Variants in KCNN1 observed in about 807,000 individuals in gnomAD.
The protein encoded by KCNN1 is potassium calcium-activated channel subfamily N member 1.
KCNN1 carries 20 observed loss-of-function variants against 44.7 expected under a neutral mutation model. The observed-to-expected ratio is 0.45, with a 90% CI of 0.32 to 0.65. The LOEUF is 0.65. Ranked by LOEUF, KCNN1 falls within the 30% of genes least tolerant of loss-of-function variation. The probability of loss-of-function intolerance (pLI) is 0.05; values close to 1 mark genes in which losing one functional copy is unlikely to be tolerated. For missense variants in KCNN1, 632 were observed against 785.3 expected (o/e 0.80, Z 2.33); for synonymous variants, 324 against 341.7 (o/e 0.95, Z 0.57).
intron 2 of KCNN1, among the ~76,000 whole-genome samples, chr19:17,958,524 C>T (rs924736634): frequency 6.0e-4 from 80 of 133,762 alleles, no homozygotes; most frequent in African/African-American, 2.2e-3. Context: ...CTCACTCTGT[C>T]ATCCAGGCTA....
chr19:17,959,904 G>A (rs1350080542), intron 2 of KCNN1, among the ~76,000 whole-genome samples: 1 of 151,708 alleles, frequency 6.6e-6, no homozygotes, highest in African/African-American at 2.4e-5. Context: ...CCATCATGGT[G>A]AAACCCCGTC....
At chr19:17,990,815 G>GA (rs1409422339) in intron 7 of KCNN1, among the ~76,000 whole-genome samples, 9 of 144,280 alleles carry the variant, frequency 6.2e-5, no homozygotes, top group African/African-American at 1.0e-4. Context: ...AAAAAAAAAA[G>GA]AAAGAAAAAG....
intron 3 of KCNN1, among the ~76,000 whole-genome samples, chr19:17,980,449 A>C (rs1416870884): frequency 6.6e-6 from 1 of 151,622 alleles, no homozygotes; most frequent in East Asian, 1.9e-4. Context: ...TTGCTTAAAC[A>C]CTTGTTTTAG....
At chr19:17,963,997 G>T (rs918418274), upstream of KCNN1, among the ~76,000 whole-genome samples, 1 of 152,120 alleles carries the variant, frequency 6.6e-6, no homozygotes, top group Non-Finnish European at 1.5e-5. Flanking sequence ...CTTTGGAGAG[G>T]GTTGTCCCCC....
intron 3 of KCNN1, 104 bp downstream of exon 3, chr19:17,975,291 T>C (rs2032169700): frequency 1.3e-6 from 1 of 753,060 alleles, no homozygotes; most frequent in East Asian, 2.6e-5. Flanking sequence ...AAAGGATGTA[T>C]AATTGGCTTC....
chr19:17,992,090 A>G (rs1444918340), intron 7 of KCNN1, among the ~76,000 whole-genome samples: 2 of 152,168 alleles, frequency 1.3e-5, no homozygotes, highest in Non-Finnish European at 2.9e-5. Flanking sequence ...GGAGGCCGAG[A>G]TGGGTGGATC....
At chr19:17,971,882 G>A (rs943750462) in intron 1 of KCNN1, 3 of 152,008 alleles carry the variant, frequency 2.0e-5, no homozygotes, top group Non-Finnish European at 4.4e-5. Flanking sequence ...AAAGAATGGA[G>A]CCTGGGACCG....
At chr19:17,994,669 G>C (rs1485358769) in intron 9 of KCNN1, among the ~76,000 whole-genome samples, 1 of 152,068 alleles carries the variant, frequency 6.6e-6, no homozygotes, top group African/African-American at 2.4e-5. Flanking sequence ...TCAGCCTCCA[G>C]AGTAGCTGGG....
At chr19:17,958,893 G>A (rs1408405384) in intron 2 of KCNN1, among the ~76,000 whole-genome samples, 1 of 151,250 alleles carries the variant, frequency 6.6e-6, no homozygotes, top group Non-Finnish European at 1.5e-5. Flanking sequence ...GTAGAGACGG[G>A]GTTTCACCGT....
intron 3 of KCNN1, 101 bp downstream of exon 3, chr19:17,975,288 G>A: frequency 1.3e-6 from 1 of 768,050 alleles, no homozygotes; most frequent in Non-Finnish European, 2.2e-6. Context: ...ATAAAAGGAT[G>A]TATAATTGGC....
chr19:17,981,563 AAAAAAG>A, intron 3 of KCNN1, 140 bp from the exon 4 acceptor site: 7 of 708,568 alleles, frequency 9.9e-6, no homozygotes, highest in South Asian at 4.5e-5. Context: ...AAAAAAAAAA[AAAAAAG>A]AAAGAAAGAA....
intron 3 of KCNN1, among the ~76,000 whole-genome samples, chr19:17,980,765 T>A (rs535204932): frequency 4.0e-5 from 6 of 151,568 alleles, no homozygotes; most frequent in Admixed American, 3.3e-4. Context: ...TAGCCAGGCA[T>A]GGTGTTGCAT....
At chr19:17,963,931 G>C (rs2031740858), upstream of KCNN1, among the ~76,000 whole-genome samples, 2 of 152,074 alleles carry the variant, frequency 1.3e-5, no homozygotes, top group East Asian at 3.9e-4. Flanking sequence ...GTCTCGCTAT[G>C]TTGCCTAGGC....
At chr19:17,959,833 C>T (rs2145903096) in intron 2 of KCNN1, among the ~76,000 whole-genome samples, 1 of 152,176 alleles carries the variant, frequency 6.6e-6, no homozygotes, top group Admixed American at 6.5e-5. Flanking sequence ...GCCTATAATC[C>T]TAGCACTTTG....
Position 17,998,818 on chromosome 19 carries a change from C to T in KCNN1, c.*412C>T, listed in dbSNP as rs1008844704. On this transcript the variant is annotated 3_prime_UTR_variant, in exon 10 of 10. Coordinates refer to ENST00000684775, the MANE Select transcript of KCNN1 (RefSeq NM_001386974.1). This position sits in a 1 kb window ranked among gnomAD's most constrained non-coding sequence, Gnocchi z 5.4. ...AATCAGAAAAACCTGTTCCCATCAC[C>T]GGCCTAGCCTAGAATCCTAGCCTAG... is the stretch of plus-strand genomic sequence containing the variant. 8 of 162,664 alleles carry T rather than the reference C, an allele frequency of 4.9e-5. No homozygotes were observed. The highest frequency in any genetic ancestry group is 8.0e-5 in the Non-Finnish European group (6 of 75,214). The allele number at this position is 162,664 out of a possible 1,614,324, so 10.1% of individuals were successfully genotyped here. A position where few individuals can be genotyped will look rare whatever the true frequency, so the allele number is the denominator to read the frequency against.
intron 1 of KCNN1, among the ~76,000 whole-genome samples, chr19:17,968,557 C>G (rs920564902): frequency 2.6e-5 from 4 of 152,100 alleles, no homozygotes; most frequent in African/African-American, 9.7e-5. Flanking sequence ...TGTAAAAATG[C>G]TCGCTGGAGG....
chr19:17,995,265 C>G (rs2032944235), intron 9 of KCNN1, among the ~76,000 whole-genome samples: 2 of 151,060 alleles, frequency 1.3e-5, no homozygotes, highest in Non-Finnish European at 3.0e-5. Context: ...CTCAACCTCC[C>G]CAGGCTCAAG....
At chr19:17,975,545 C>T (rs1006423118) in intron 3 of KCNN1, among the ~76,000 whole-genome samples, 13 of 151,760 alleles carry the variant, frequency 8.6e-5, no homozygotes, top group East Asian at 1.9e-4. Context: ...CTCAGTCTCC[C>T]GAGTAGCTGG....
intron 1 of KCNN1, among the ~76,000 whole-genome samples, chr19:17,953,955 G>A (rs761273273): frequency 5.9e-5 from 9 of 151,904 alleles, no homozygotes; most frequent in Non-Finnish European, 8.8e-5. Context: ...ATCTCCCCAT[G>A]GCGAAGGAAC....
Sources: gnomAD v4.1 joint callset for allele counts (sites outside exome capture counted in the v4.1 genomes callset) on GRCh38, gnomAD v4.1.1 for gene constraint, Gnocchi (gnomAD v3.1) non-coding constraint, MANE v1.5 for transcripts, NCBI Gene and HGNC (gene_info 2026-07-23, HGNC 2026-07-21) for gene names.